MALRD1: variants seen among roughly 807,000 people sequenced by gnomAD.
The protein encoded by MALRD1 is MAM and LDL-receptor class A domain-containing protein 1.
A neutral mutation model predicts 242.1 loss-of-function variants in MALRD1; 247 were observed. That is an observed-to-expected ratio of 1.02 (90% confidence interval 0.92 to 1.13). The LOEUF (loss-of-function observed/expected upper bound fraction) is 1.13. Ranked by LOEUF, MALRD1 falls within the 50% of genes most tolerant of loss-of-function variation. MALRD1 has a pLI of 0.00. For synonymous variants in MALRD1, 995 were observed against 866.6 expected (o/e 1.15, Z -2.60); for missense variants, 2,989 against 2,533.1 (o/e 1.18, Z -3.86).
intron 36 of MALRD1, among the ~76,000 whole-genome samples, chr10:19,616,243 CTT>C (rs1375610010): frequency 6.6e-6 from 1 of 151,876 alleles, no homozygotes; most frequent in Non-Finnish European, 1.5e-5. Context: ...ATATGAATAT[CTT>C]TCTATTTCAG....
intron 38 of MALRD1, among the ~76,000 whole-genome samples, chr10:19,717,823 C>A (rs892984253): frequency 2.6e-5 from 4 of 151,956 alleles, no homozygotes; most frequent in African/African-American, 4.8e-5. Flanking sequence ...TTAAGACCAG[C>A]CTGGCCTACA....
intron 24 of MALRD1, among the ~76,000 whole-genome samples, chr10:19,340,905 A>T (rs141879423): frequency 6.6e-4 from 100 of 152,240 alleles, no homozygotes; most frequent in African/African-American, 2.3e-3. Flanking sequence ...TCACTAAATC[A>T]TAAACTTCAT....
chr10:19,536,843 T>C (rs1421095424), intron 32 of MALRD1, among the ~76,000 whole-genome samples: 3 of 152,188 alleles, frequency 2.0e-5, no homozygotes, highest in Non-Finnish European at 2.9e-5. Context: ...CCATTTGTCA[T>C]ACAGCACTGG....
chr10:19,231,916 ATATT>A (rs1304299317), intron 18 of MALRD1, among the ~76,000 whole-genome samples: 2 of 152,100 alleles, frequency 1.3e-5, no homozygotes, highest in African/African-American at 4.8e-5. Context: ...AGCATGGCTA[ATATT>A]TATTTAATAT....
At chr10:19,547,993 C>CTTTTTTT (rs765509925) in intron 32 of MALRD1, among the ~76,000 whole-genome samples, 9 of 65,780 alleles carry the variant, frequency 1.4e-4, no homozygotes, top group East Asian at 4.1e-4. Flanking sequence ...TATCACTATA[C>CTTTTTTT]TTTTTTTTTT....
intron 5 of MALRD1, among the ~76,000 whole-genome samples, chr10:19,118,623 G>A (rs575710002): frequency 2.6e-5 from 4 of 152,252 alleles, no homozygotes; most frequent in East Asian, 3.9e-4. Context: ...GACTGTAGAT[G>A]TTTCTTATCA....
At chr10:19,651,373 A>G (rs74669329) in intron 36 of MALRD1, among the ~76,000 whole-genome samples, 60 of 152,296 alleles carry the variant, frequency 3.9e-4, no homozygotes, top group African/African-American at 1.3e-3. Context: ...TCATCCCTCA[A>G]CTATGTGTCT....
At chr10:19,294,563 T>C (rs1276783915) in intron 21 of MALRD1, among the ~76,000 whole-genome samples, 1 of 152,158 alleles carries the variant, frequency 6.6e-6, no homozygotes, top group Non-Finnish European at 1.5e-5. Context: ...AAACTGTAAG[T>C]AGATGTATAA....
intron 26 of MALRD1, among the ~76,000 whole-genome samples, chr10:19,378,983 A>C (rs1400614621): frequency 6.6e-6 from 1 of 152,068 alleles, no homozygotes; most frequent in African/African-American, 2.4e-5. Context: ...TATCCATGTA[A>C]TAGTTGTAGG....
intron 31 of MALRD1, among the ~76,000 whole-genome samples, chr10:19,522,729 T>C (rs1833936825): frequency 1.3e-4 from 20 of 152,286 alleles, no homozygotes. Flanking sequence ...AGATGATAAA[T>C]ATGAGACATA....
chr10:19,224,685 TG>T (rs1480248571), intron 18 of MALRD1, among the ~76,000 whole-genome samples: 2 of 152,206 alleles, frequency 1.3e-5, no homozygotes, highest in Admixed American at 6.5e-5. Flanking sequence ...TTGATGGGGT[TG>T]TTTTTTTCTT....
At chr10:19,194,337 C>G (rs1201959675) in intron 14 of MALRD1, among the ~76,000 whole-genome samples, 1 of 152,184 alleles carries the variant, frequency 6.6e-6, no homozygotes, top group South Asian at 2.1e-4. Context: ...TTTTTCATAG[C>G]CTATTGAGTC....
intron 31 of MALRD1, among the ~76,000 whole-genome samples, chr10:19,506,457 G>C (rs972309932): frequency 2.6e-5 from 4 of 152,060 alleles, no homozygotes; most frequent in African/African-American, 9.7e-5. Flanking sequence ...TAGAATGAAA[G>C]CTATCAATCA....
chr10:19,079,869 C>A (rs1225004749), intron 2 of MALRD1, among the ~76,000 whole-genome samples: 1 of 151,946 alleles, frequency 6.6e-6, no homozygotes, highest in Non-Finnish European at 1.5e-5. Flanking sequence ...ATCTAGAAAA[C>A]CCCATTGTCT....
chr10:19,453,583 A>T (rs1589103683), intron 29 of MALRD1, among the ~76,000 whole-genome samples: 2 of 152,318 alleles, frequency 1.3e-5, no homozygotes, highest in South Asian at 4.1e-4. Context: ...TCCCATCTCT[A>T]TAAAAATTTT....
Position 19,534,862 on chromosome 10 carries a change from T to C in MALRD1, c.5478+3511T>C, listed in dbSNP as rs1834586359. Among the ~76,000 whole-genome samples the C allele has an allele frequency of 5.0e-5, 6 of 119,222 alleles. No individual in the cohort carries two copies. The South Asian group carries it at 1.8e-3, about 37-fold the overall frequency. The allele number at this position is 119,222 out of a possible 152,430, so 78.2% of individuals were successfully genotyped here. A position where few individuals can be genotyped will look rare whatever the true frequency, so the allele number is the denominator to read the frequency against. On this transcript the variant is annotated intron_variant, in intron 32 of 39. Coordinates refer to ENST00000454679, the MANE Select transcript of MALRD1 (RefSeq NM_001142308.3). ...ATAGATATATATATGCTATTTTATT[T>C]ATAAAGTTTTTGTTGTTGTTGTTGT...
intron 36 of MALRD1, among the ~76,000 whole-genome samples, chr10:19,655,838 T>C (rs201461176): frequency 5.9e-5 from 9 of 151,962 alleles, no homozygotes; most frequent in Non-Finnish European, 1.2e-4. Context: ...TGTATGGAAT[T>C]TGGGGACAGA....
Position 19,734,335 on chromosome 10 carries a change from G to C in MALRD1, c.*98G>C, listed in dbSNP as rs1487089521. The C allele has an allele frequency of 1.2e-5, 12 of 1,023,900 alleles. No individual in the cohort carries two copies. The highest frequency in any genetic ancestry group is 3.3e-5 in the African/African-American group (2 of 61,348). 63.4% of individuals were successfully genotyped at this position (1,023,900 alleles called of 1,614,324 possible). A position where few individuals can be genotyped will look rare whatever the true frequency, so the allele number is the denominator to read the frequency against. On this transcript the variant is annotated 3_prime_UTR_variant, in exon 40 of 40. Transcript: ENST00000454679. ...CTCATCTTCTACAATGGTAAAAAGA[G>C]AAAGGATTGTAAATGCCAGTGTAAT...
intron 36 of MALRD1, among the ~76,000 whole-genome samples, chr10:19,683,530 A>G (rs1305318653): frequency 6.6e-6 from 1 of 152,214 alleles, no homozygotes; most frequent in African/African-American, 2.4e-5. Flanking sequence ...AGAAAGCAGC[A>G]GAGTCTAGCT....
Sources: allele counts gnomAD v4.1 joint callset (sites outside exome capture counted in the v4.1 genomes callset), GRCh38; gene constraint gnomAD v4.1.1; transcripts MANE v1.5; gene names NCBI Gene and HGNC (gene_info 2026-07-23, HGNC 2026-07-21).